Variants in GRK7 observed in about 807,000 individuals in gnomAD.
GRK7 encodes the protein G protein-coupled receptor kinase 7.
GRK7 carries 24 observed loss-of-function variants against 34.1 expected under a neutral mutation model. The observed-to-expected ratio is 0.70, with a 90% CI of 0.51 to 0.99. The LOEUF is 0.99. Ranked by LOEUF, GRK7 falls within the 50% of genes least tolerant of loss-of-function variation. The probability of loss-of-function intolerance (pLI) is 0.00; values close to 1 mark genes in which losing one functional copy is unlikely to be tolerated. For synonymous variants in GRK7, 256 were observed against 279.4 expected (o/e 0.92, Z 0.84); for missense variants, 644 against 707.3 (o/e 0.91, Z 1.02).
chr3:141,770,919 G>A (rs1402378783), intron 1 of GRK7, among the ~76,000 whole-genome samples: 1 of 151,280 alleles, frequency 6.6e-6, no homozygotes, highest in Non-Finnish European at 1.5e-5. Flanking sequence ...GAAACCAAAG[G>A]GGTCAAGGCT....
chr3:141,798,429 A>G (rs1710916452), intron 4 of GRK7, among the ~76,000 whole-genome samples: 1 of 152,180 alleles, frequency 6.6e-6, no homozygotes, highest in Non-Finnish European at 1.5e-5. Context: ...AAAATAAGGT[A>G]AAACCCAGAA....
At chr3:141,804,288 G>A (rs1241670759) in intron 4 of GRK7, among the ~76,000 whole-genome samples, 1 of 152,104 alleles carries the variant, frequency 6.6e-6, no homozygotes, top group Non-Finnish European at 1.5e-5. Flanking sequence ...ATAGAGGGAG[G>A]CAAAGGAAAA....
At chr3:141,795,179 C>A (rs888659300) in intron 4 of GRK7, among the ~76,000 whole-genome samples, 1 of 152,120 alleles carries the variant, frequency 6.6e-6, no homozygotes, top group Non-Finnish European at 1.5e-5. Flanking sequence ...AAGGAGCATG[C>A]GCTAGGTAAA....
chr3:141,779,633 A>G (rs2084661340), intron 3 of GRK7, among the ~76,000 whole-genome samples: 2 of 152,132 alleles, frequency 1.3e-5, no homozygotes, highest in Admixed American at 1.3e-4. Flanking sequence ...CAACACCTCA[A>G]TCTGGATCCA....
chr3:141,789,663 A>AAAAAAAC (rs2084714187), intron 4 of GRK7, among the ~76,000 whole-genome samples: 1 of 146,770 alleles, frequency 6.8e-6, no homozygotes, highest in African/African-American at 2.6e-5. Flanking sequence ...GGGCAAAAAA[A>AAAAAAAC]AAAAAAACAC....
chr3:141,802,770 C>T (rs73226676), intron 4 of GRK7, among the ~76,000 whole-genome samples: 14,736 of 152,076 alleles, frequency 0.097, 799 homozygotes, highest in Non-Finnish European at 0.13. Flanking sequence ...TATAGCTCTT[C>T]GGATAATCCC....
At chr3:141,753,662 G>A in the GRK7 span, among the ~76,000 whole-genome samples, 4 of 152,144 alleles carry the variant, frequency 2.6e-5, no homozygotes, top group African/African-American at 9.7e-5. Context: ...GCCAGGGACT[G>A]GTACTAGTCC....
At chr3:141,765,796 G>C (rs947595028) in intron 1 of GRK7, among the ~76,000 whole-genome samples, 58 bp downstream of exon 1, 33 of 152,224 alleles carry the variant, frequency 2.2e-4, no homozygotes, top group African/African-American at 7.7e-4. Context: ...TGGGATAAGT[G>C]CATAGAATGA....
At chr3:141,788,151 T>C (rs2084705550) in intron 4 of GRK7, among the ~76,000 whole-genome samples, 1 of 152,212 alleles carries the variant, frequency 6.6e-6, no homozygotes, top group Non-Finnish European at 1.5e-5. Context: ...GTATGAGCTG[T>C]GCCTCCCTGG....
At chr3:141,750,681 C>G in the GRK7 span, among the ~76,000 whole-genome samples, 1 of 151,560 alleles carries the variant, frequency 6.6e-6, no homozygotes, top group African/African-American at 2.4e-5. Context: ...AGAGATACTT[C>G]TTGTAAGACT....
chr3:141,807,604 T>A, intron 4 of GRK7, 41 bp from the exon 5 acceptor site: 1 of 1,580,622 alleles, frequency 6.3e-7, no homozygotes, highest in Admixed American at 1.7e-5. Context: ...CCTTAGTGTC[T>A]TTGTTCTGTG....
chr3:141,783,345 G>A (rs2107880140), intron 4 of GRK7, among the ~76,000 whole-genome samples: 1 of 152,364 alleles, frequency 6.6e-6, no homozygotes, highest in Non-Finnish European at 1.5e-5. Flanking sequence ...CTGAGGAGAA[G>A]ATCACCCGGC....
At chr3:141,814,926 T>C (rs1711135166) in intron 5 of GRK7, among the ~76,000 whole-genome samples, 1 of 148,300 alleles carries the variant, frequency 6.7e-6, no homozygotes, top group South Asian at 2.1e-4. Context: ...GTTGGTTTTT[T>C]TTTTTTTTTT....
At chr3:141,758,980 G>A (rs1159977123), upstream of GRK7, among the ~76,000 whole-genome samples, 3 of 132,680 alleles carry the variant, frequency 2.3e-5, no homozygotes, top group African/African-American at 8.5e-5. Context: ...GTATAAGAAT[G>A]CTTGTGATTT....
intron 4 of GRK7, among the ~76,000 whole-genome samples, chr3:141,804,698 CAT>C (rs1398668320): frequency 2.0e-5 from 3 of 151,500 alleles, no homozygotes; most frequent in African/African-American, 4.9e-5. Context: ...CACATGCTCT[CAT>C]ATACACATGC....
chr3:141,772,169 A>C (rs1277542342), intron 1 of GRK7, among the ~76,000 whole-genome samples: 1 of 151,786 alleles, frequency 6.6e-6, no homozygotes, highest in African/African-American at 2.4e-5. Flanking sequence ...ATCTCAGCTC[A>C]CTGCAACCTC....
At chr3:141,805,000 ACT>A (rs1043876774) in intron 4 of GRK7, among the ~76,000 whole-genome samples, 5 of 150,862 alleles carry the variant, frequency 3.3e-5, no homozygotes, top group African/African-American at 7.3e-5. Flanking sequence ...ACACACATAC[ACT>A]CACACACACT....
At chr3:141,784,030 C>T (rs1171604823) in intron 4 of GRK7, among the ~76,000 whole-genome samples, 4 of 152,182 alleles carry the variant, frequency 2.6e-5, no homozygotes, top group Admixed American at 6.5e-5. Flanking sequence ...CCTTCTGAGT[C>T]GCCCATGGAC....
chr3:141,785,143 C>A (rs187939084), intron 4 of GRK7, among the ~76,000 whole-genome samples: 29 of 152,300 alleles, frequency 1.9e-4, no homozygotes, highest in African/African-American at 5.5e-4. Context: ...GGAAAAATCA[C>A]CCTGATGATG....
Sources: gnomAD v4.1 joint callset for allele counts (sites outside exome capture counted in the v4.1 genomes callset) on GRCh38, gnomAD v4.1.1 for gene constraint, MANE v1.5 for transcripts, NCBI Gene and HGNC (gene_info 2026-07-23, HGNC 2026-07-21) for gene names.